EP300: variants seen among roughly 807,000 people sequenced by gnomAD.
EP300 encodes histone acetyltransferase p300.
A neutral mutation model predicts 264.0 loss-of-function variants in EP300; 31 were observed. The observed-to-expected ratio is 0.12, with a 90% CI of 0.09 to 0.16. EP300 has a LOEUF of 0.16. Among genes scored for constraint, EP300 ranks in the 10% least tolerant of loss-of-function variants. The probability of loss-of-function intolerance (pLI) is 1.00; values close to 1 mark genes in which losing one functional copy is unlikely to be tolerated. For synonymous variants in EP300, 1,340 were observed against 1,045.4 expected (o/e 1.28, Z -5.44); for missense variants, 2,766 against 3,052.9 (o/e 0.91, Z 2.21).
rs1246489818 is a variant in EP300, at chr22:41,176,325, C to T, written c.4858C>T (p.Pro1620Ser). 10 of 1,614,106 alleles carry T rather than the reference C, an allele frequency of 6.2e-6. No individual in the cohort carries two copies. Among genetic ancestry groups the T allele is most frequent in the African/African-American group, 1.3e-5 (1 of 74,944 alleles). The change falls in exon 30 of 31, where the codon CCC becomes TCC. Residue 1620 changes from proline to serine, a missense_variant. Physicochemically the swap from Pro to Ser is moderately conservative, Grantham distance 74. Coordinates refer to ENST00000263253, the MANE Select transcript of EP300 (RefSeq NM_001429.4). ...PPIVDPDPLI[P>S]CDLMDGRDAF... ...CATTGTTGATCCTGATCCTCTCATCCCCTGCGATCTGATGGATGGTCGGGA... is the reference window on the plus strand; with the variant it reads ...CATTGTTGATCCTGATCCTCTCATCTCCTGCGATCTGATGGATGGTCGGGA...
In EP300 at chr22:41,149,926, A is replaced by G; in HGVS notation, c.2545A>G (p.Ile849Val). The G allele has an allele frequency of 6.2e-7, 1 of 1,612,590 alleles. No homozygotes were observed. Among genetic ancestry groups the G allele is most frequent in the South Asian group, 1.1e-5 (1 of 91,008 alleles). ...TPTPHHTPPS[I>V]GAQQPPATTI... ...CACCCCTCACCATACTCCCCCAAGC[A>G]TAGGGGCTCAGCAGCCACCAGCAAC... The change falls in exon 14 of 31, where the codon ATA becomes GTA. Residue 849 changes from isoleucine (I) to valine (V), a missense_variant. Ile to Val is a conservative substitution (Grantham distance 29). Coordinates refer to ENST00000263253, the MANE Select transcript of EP300 (RefSeq NM_001429.4).
chr22:41,103,593 G>C (rs1044889605), intron 1 of EP300, among the ~76,000 whole-genome samples: 3 of 152,184 alleles, frequency 2.0e-5, no homozygotes, highest in African/African-American at 7.2e-5. Context: ...ACATACCTTA[G>C]AAGTAGGGAA....
rs1245659602 is a variant in EP300, at chr22:41,178,734, C to T, written c.7023C>T (p.Ser2341=). 1 of 1,614,166 alleles carries T rather than the reference C, an allele frequency of 6.2e-7. No individual in the cohort carries two copies. Among genetic ancestry groups the T allele is most frequent in the South Asian group, 1.1e-5 (1 of 91,086 alleles). ...CTCAGCCTTCTCCACACCACGTTTC[C>T]CCACAGACAAGTTCCCCACATCCTG... ...MQPQPSPHHV[S]PQTSSPHPGL... Residue 2341 remains serine (S), a synonymous_variant, in exon 31 of 31, where the codon TCC becomes TCT. Coordinates refer to ENST00000263253, the MANE Select transcript of EP300 (RefSeq NM_001429.4).
chr22:41,161,078 C>A (rs986810469), intron 20 of EP300, among the ~76,000 whole-genome samples: 1 of 152,074 alleles, frequency 6.6e-6, no homozygotes, highest in Non-Finnish European at 1.5e-5. Flanking sequence ...AGCTTCTCTT[C>A]GAAAAATTGG....
At position 41,131,620 on chromosome 22, in the gene EP300, C is replaced by A. The variant is rs759245538; in HGVS notation, c.1515C>A (p.Pro505=). Residue 505 remains proline (P), a synonymous_variant, in exon 6 of 31, where the codon CCC becomes CCA. Coordinates refer to ENST00000263253, the MANE Select transcript of EP300 (RefSeq NM_001429.4). ...GGCAGTCTCCCCAAGGCATGCGGCC[C>A]ATGAGCAACATGAGTAAGTTTGTGT... is the stretch of plus-strand genomic sequence containing the variant. ...QPGQSPQGMR[P]MSNMSASPMG... is the part of the protein sequence containing the mutation. 1 of 1,614,100 alleles carries A rather than the reference C, an allele frequency of 6.2e-7. No homozygotes were observed. The highest frequency in any genetic ancestry group is 1.1e-5 in the South Asian group (1 of 91,074).
At chr22:41,145,738 G>A (rs535615766) in intron 10 of EP300, among the ~76,000 whole-genome samples, 7 of 152,152 alleles carry the variant, frequency 4.6e-5, no homozygotes, top group East Asian at 1.9e-4. Flanking sequence ...CCGGGTTCAC[G>A]CCATTCTCCT....
At chr22:41,148,954 C>A in intron 12 of EP300, 84 bp from the exon 13 acceptor site, 1 of 1,587,412 alleles carries the variant, frequency 6.3e-7, no homozygotes, top group Non-Finnish European at 8.6e-7. Context: ...ATAAGCCTGA[C>A]GTTAGGAGCA....
chr22:41,178,651 C>A lies in EP300; in HGVS notation c.6940C>A (p.Pro2314Thr), dbSNP rs1299720265. ...TCAAGTGCGCTCTCCCCAGCCTGTC[C>A]CTTCTCCACGGCCACAGTCCCAGCC... is the stretch of plus-strand genomic sequence containing the variant. The part of the protein sequence containing the change: ...SNQVRSPQPV[P>T]SPRPQSQPPH... Residue 2314 changes from proline (P) to threonine (T), a missense_variant, in exon 31 of 31, where the codon CCT (proline) becomes ACT (threonine). Transcript: ENST00000263253. The A allele has an allele frequency of 7.4e-6, 12 of 1,614,142 alleles. No homozygotes were observed. Among genetic ancestry groups the A allele is most frequent in the Non-Finnish European group, 9.3e-6 (11 of 1,180,030 alleles).
At chr22:41,166,472 TTTA>T (rs554173920) in intron 22 of EP300, 124 bp from the exon 23 acceptor site, 9 of 728,060 alleles carry the variant, frequency 1.2e-5, no homozygotes, top group Non-Finnish European at 2.1e-5. Flanking sequence ...GTGTATTAGT[TTTA>T]TTAACTCTTC....
intron 19 of EP300, chr22:41,158,966 A>G (rs1399325500): frequency 1.2e-5 from 2 of 168,590 alleles, no homozygotes; most frequent in South Asian, 1.4e-4. Flanking sequence ...TCTTTGCCTC[A>G]TATTAAGCAA....
In EP300 at chr22:41,152,255, G is replaced by T. The variant is rs200558984; in HGVS notation, c.3047G>T (p.Ser1016Ile). The change falls in exon 16 of 31, where the codon AGC becomes ATC. Residue 1016 changes from serine (S) to isoleucine (I), a missense_variant. By Grantham distance (142) the Ser-to-Ile change is moderately radical (BLOSUM62 -2). Transcript: ENST00000263253. The stretch of plus-strand genomic sequence containing the variant: ...GAATCTACCGAAACAGAAGAGAGAA[G>T]CACTGAGTTAAAAACTGAAATAAAA... The part of the protein sequence containing the change: ...KMESTETEER[S>I]TELKTEIKEE... 6.2e-7 allele frequency: 1 copy of T among 1,614,098 alleles called. No individual in the cohort carries two copies. The highest frequency in any genetic ancestry group is 1.3e-5 in the African/African-American group (1 of 75,044).
chr22:41,131,334 CT>C (rs1187621996), intron 5 of EP300, 53 bp from the exon 6 acceptor site: 11 of 1,586,408 alleles, frequency 6.9e-6, no homozygotes, highest in Non-Finnish European at 9.5e-6. Context: ...ACATGTTAGT[CT>C]TTTTTTTCTC....
At chr22:41,099,325 G>A (rs5751042) in intron 1 of EP300, among the ~76,000 whole-genome samples, 92,497 of 151,862 alleles carry the variant, frequency 0.61, 28,737 homozygotes, top group East Asian at 0.81. Context: ...GAGCCACCGC[G>A]CCCGGCCTGT....
intron 1 of EP300, among the ~76,000 whole-genome samples, chr22:41,112,005 A>G (rs1172376982): frequency 6.9e-6 from 1 of 144,164 alleles, no homozygotes; most frequent in Non-Finnish European, 1.5e-5. Flanking sequence ...CTCCTGCCTC[A>G]GCCTCCCGAG....
chr22:41,137,376 A>AAT (rs55956046), intron 7 of EP300, among the ~76,000 whole-genome samples: 1 of 150,048 alleles, frequency 6.7e-6, no homozygotes, highest in African/African-American at 2.4e-5. Flanking sequence ...AAAAAAAAAA[A>AAT]GGCATTACAG....
In EP300 at chr22:41,127,523, CTGG is replaced by C; in HGVS notation, c.946_948del (p.Val316del). The C allele has an allele frequency of 6.2e-7, 1 of 1,614,222 alleles. No individual in the cohort carries two copies. The highest frequency in any genetic ancestry group is 8.5e-7 in the Non-Finnish European group (1 of 1,180,048). On this transcript the variant is annotated inframe_deletion, in exon 4 of 31. Transcript: ENST00000263253. Reference sequence around the variant, plus strand: ...AGCCCCGCAGGTCCAGCAGCCAGGCCTGGTGACTCCAGTTGCCCAAGGGATGGG... The same window carrying C: ...AGCCCCGCAGGTCCAGCAGCCAGGCCTGACTCCAGTTGCCCAAGGGATGGG...
At position 41,179,876 on chromosome 22, in the gene EP300, CCACTCACACA is replaced by C. The variant is rs1168982921; in HGVS notation, c.*924_*933del. On this transcript the variant is annotated 3_prime_UTR_variant, in exon 31 of 31. Coordinates refer to ENST00000263253, the MANE Select transcript of EP300 (RefSeq NM_001429.4). ...GCTTTCTTCCTCCTTACCCTACCCC[CCACTCACACA>C]CACACACACACACACACACACACAC... The C allele has an allele frequency of 2.4e-4, 31 of 131,478 alleles. 1 individual carries two copies. Among genetic ancestry groups the C allele is most frequent in the East Asian group, 1.0e-3 (9 of 8,926 alleles). 8.1% of individuals were successfully genotyped at this position (131,478 alleles called of 1,614,324 possible). A position where few individuals can be genotyped will look rare whatever the true frequency, so the allele number is the denominator to read the frequency against.
At chr22:41,134,834 A>G (rs2058940968) in intron 6 of EP300, among the ~76,000 whole-genome samples, 2 of 152,096 alleles carry the variant, frequency 1.3e-5, no homozygotes. Context: ...GGAAAGTTGG[A>G]CCTGGACACT....
intron 1 of EP300, among the ~76,000 whole-genome samples, chr22:41,104,770 A>G (rs1028854793): frequency 6.6e-6 from 1 of 152,116 alleles, no homozygotes; most frequent in Non-Finnish European, 1.5e-5. Flanking sequence ...CTGTAATCCC[A>G]GCACTTTGGG....
Sources: gnomAD v4.1 joint callset for allele counts (sites outside exome capture counted in the v4.1 genomes callset) on GRCh38, gnomAD v4.1.1 for gene constraint, MANE v1.5 for transcripts, NCBI Gene and HGNC (gene_info 2026-07-23, HGNC 2026-07-21) for gene names.